Variants in RNF126 observed in about 807,000 individuals in gnomAD.
The protein encoded by RNF126 is E3 ubiquitin-protein ligase RNF126.
RNF126 carries 20 observed loss-of-function variants against 41.9 expected under a neutral mutation model. The observed-to-expected ratio is 0.48, with a 90% confidence interval of 0.34 to 0.69. The LOEUF (loss-of-function observed/expected upper bound fraction) is 0.69. Ranked by LOEUF, RNF126 falls within the 30% of genes least tolerant of loss-of-function variation. The pLI is 0.01. For missense variants in RNF126, 433 were observed against 460.6 expected (o/e 0.94, Z 0.55); for synonymous variants, 239 against 202.9 (o/e 1.18, Z -1.51).
intron 1 of RNF126, among the ~76,000 whole-genome samples, chr19:656,836 C>A (rs547110718): frequency 1.3e-5 from 2 of 152,178 alleles, no homozygotes; most frequent in African/African-American, 4.8e-5. Flanking sequence ...TGAGACTTCA[C>A]AGTCAAATCT....
intron 1 of RNF126, among the ~76,000 whole-genome samples, chr19:653,200 G>A (rs904796334): frequency 6.6e-6 from 1 of 152,096 alleles, no homozygotes; most frequent in African/African-American, 2.4e-5. Flanking sequence ...GGCGTCACCA[G>A]TGCCTGGGCA....
At chr19:652,106 C>T in intron 3 of RNF126, 127 bp downstream of exon 3, 1 of 883,408 alleles carries the variant, frequency 1.1e-6, no homozygotes, top group Non-Finnish European at 1.6e-6. Context: ...GCCCGGGCCC[C>T]TGGAGGGAAA....
At chr19:648,300 A>C in intron 8 of RNF126, 23 bp from the exon 9 acceptor site, 4 of 1,314,220 alleles carry the variant, frequency 3.0e-6, no homozygotes, top group Non-Finnish European at 4.0e-6. Context: ...AGAGGCAGGG[A>C]CGGGAGAAGG....
intron 2 of RNF126, 89 bp downstream of exon 2, chr19:652,737 G>T (rs557982828): frequency 1.1e-5 from 14 of 1,226,176 alleles, no homozygotes; most frequent in Non-Finnish European, 1.7e-5. Context: ...CCCCACACTC[G>T]GCGGGGCGGA....
rs1438736460 is a variant in RNF126 at position 652,289 on chromosome 19, C to T, written c.142G>A (p.Glu48Lys). The T allele has an allele frequency of 3.2e-6, 5 of 1,557,294 alleles. No individual in the cohort carries two copies. Among genetic ancestry groups the T allele is most frequent in the Non-Finnish European group, 4.3e-6 (5 of 1,158,778 alleles). ...GCTGTGGAGGGGGCAGAACCATTTT[C>T]TGTGCTCCTGGGGAGAGAGTGCAGG... The part of the protein sequence containing the change: ...EELPEETRST[E>K]NGSAPSTAPT... The change falls in exon 3 of 9, where the codon GAA becomes AAA. Residue 48 changes from glutamate to lysine, a missense_variant. Transcript: ENST00000292363.
chr19:662,460 G>A (rs908542128), intron 1 of RNF126, among the ~76,000 whole-genome samples: 2 of 152,176 alleles, frequency 1.3e-5, no homozygotes, highest in East Asian at 3.9e-4. Flanking sequence ...GCGGGCCGCG[G>A]TCGGACCCCG....
rs1235339600 is a variant in RNF126, at chr19:651,713, C to G, written c.341G>C (p.Arg114Thr). Residue 114 changes from arginine to threonine, a missense_variant, in exon 4 of 9, where the codon AGA becomes ACA. Transcript: ENST00000292363. ...GTACCGGTGCCGGGACGGATGGTCT[C>G]TCTCCCGCCGGCTCTCAGGGTCCCT... ...DGRDPESRRE[R>T]DHPSRHRYGA... 2 of 1,609,306 alleles carry G rather than the reference C, an allele frequency of 1.2e-6. No homozygotes were observed. Among genetic ancestry groups the G allele is most frequent in the Admixed American group, 3.4e-5 (2 of 59,678 alleles).
chr19:651,587 C>A (rs117074311), intron 4 of RNF126, 24 bp downstream of exon 4: 1 of 1,393,678 alleles, frequency 7.2e-7, no homozygotes, highest in Non-Finnish European at 9.3e-7. Flanking sequence ...GGGGCCCTCG[C>A]GGCCACCCCC....
At chr19:655,879 G>A (rs2030542770) in intron 1 of RNF126, among the ~76,000 whole-genome samples, 5 of 152,242 alleles carry the variant, frequency 3.3e-5, no homozygotes, top group Non-Finnish European at 5.9e-5. Context: ...ACCAGGCCAC[G>A]GCGGGGGGGA....
rs1391870672 is a variant in RNF126 at position 659,243 on chromosome 19, G to T, written c.75+3804C>A. 1.3e-5 allele frequency among the ~76,000 whole-genome samples: 2 copies of T among 152,182 alleles called. No homozygotes were observed. The highest frequency in any genetic ancestry group is 4.1e-4 in the South Asian group (2 of 4,836). ...TGAAGACTCGGGCCAGGCCGCCGCAGGGACCAGGAGAAGACAGGGTGGGCC... is the reference window on the plus strand; with the variant it reads ...TGAAGACTCGGGCCAGGCCGCCGCATGGACCAGGAGAAGACAGGGTGGGCC... On this transcript the variant is annotated intron_variant, in intron 1 of 8. Coordinates refer to ENST00000292363, the MANE Select transcript of RNF126 (RefSeq NM_194460.3). The surrounding 1 kb of genome is among the most constrained non-coding windows in gnomAD (Gnocchi z 4.9).
chr19:650,442 G>A (rs914861151), intron 4 of RNF126, 146 bp from the exon 5 acceptor site: 1 of 692,050 alleles, frequency 1.4e-6, no homozygotes, highest in Non-Finnish European at 2.4e-6. Context: ...CTATGAGCCA[G>A]GGTCTCACTC....
intron 1 of RNF126, among the ~76,000 whole-genome samples, chr19:657,593 A>G (rs1035828122): frequency 2.6e-5 from 4 of 152,178 alleles, no homozygotes; most frequent in Admixed American, 2.6e-4. Context: ...AGGGGTTTCA[A>G]AGGTCACCTC....
rs1327120270 is a variant in RNF126 at position 659,369 on chromosome 19, GC to G, written c.75+3677del. ...TCCCCGCCCACGCCGGCTCTTCCCC[GC>G]CACCGTGGGCGGCAGGGCCCAGCAC... On this transcript the variant is annotated intron_variant, in intron 1 of 8. Transcript: ENST00000292363. This position sits in a 1 kb window ranked among gnomAD's most constrained non-coding sequence, Gnocchi z 4.9. Among the ~76,000 whole-genome samples, 1 of 152,066 alleles carries G rather than the reference GC, an allele frequency of 6.6e-6. No individual in the cohort carries two copies. Among genetic ancestry groups the G allele is most frequent in the Non-Finnish European group, 1.5e-5 (1 of 68,002 alleles).
chr19:653,627 G>A (rs1430390382), intron 1 of RNF126, among the ~76,000 whole-genome samples: 2 of 152,206 alleles, frequency 1.3e-5, no homozygotes, highest in East Asian at 3.9e-4. Context: ...TGGGCCCCTG[G>A]TGATGGCGGA....
In RNF126 at chr19:651,735, C is replaced by T. The variant is rs11554790; in HGVS notation, c.319G>A (p.Asp107Asn). The change falls in exon 4 of 9, where the codon GAC becomes AAC. Residue 107 changes from aspartate to asparagine, a missense_variant. Physicochemically the swap from Asp to Asn is conservative, Grantham distance 23. Transcript: ENST00000292363. ...TCTCTCTCCCGCCGGCTCTCAGGGT[C>T]CCTGCCGTCGTCAGCCTGCGCCCCA... ...PPGAQADDGRDPESRRERDHP... is the reference protein window; with the variant it reads ...PPGAQADDGRNPESRRERDHP... 1.9e-6 allele frequency: 3 copies of T among 1,612,090 alleles called. No individual in the cohort carries two copies. Among genetic ancestry groups the T allele is most frequent in the Admixed American group, 1.7e-5 (1 of 59,956 alleles).
intron 6 of RNF126, 112 bp from the exon 7 acceptor site, chr19:649,087 C>A (rs2030126165): frequency 2.0e-6 from 1 of 498,944 alleles, no homozygotes; most frequent in Non-Finnish European, 3.2e-6. Context: ...TGTCCTGGGC[C>A]CTGGGCCCCT....
At chr19:656,064 G>A (rs1432518753) in intron 1 of RNF126, among the ~76,000 whole-genome samples, 2 of 152,130 alleles carry the variant, frequency 1.3e-5, no homozygotes, top group African/African-American at 4.8e-5. Flanking sequence ...ACGGCTGGCA[G>A]GGCTGAGGTG....
Position 648,490 on chromosome 19 carries a change from G to A in RNF126, c.671-3C>T. On this transcript the variant is annotated splice_polypyrimidine_tract_variant and splice_region_variant and intron_variant, in intron 7 of 8. Transcript: ENST00000292363. ...CACAGGGCACTCGAGCCCGGAGCCT[G>A]CGGGAGTGTGCAGCTGCGGTCACAG... 3 of 1,562,998 alleles carry A rather than the reference G, an allele frequency of 1.9e-6. No homozygotes were observed. The highest frequency in any genetic ancestry group is 2.3e-5 in the South Asian group (2 of 85,168).
chr19:651,520 C>T (rs1600631354), intron 4 of RNF126, 91 bp downstream of exon 4: 25 of 1,286,224 alleles, frequency 1.9e-5, no homozygotes, highest in South Asian at 1.1e-4. Context: ...GATGATGCCA[C>T]GTTTCCGTGG....
Sources: gnomAD v4.1 joint callset for allele counts (sites outside exome capture counted in the v4.1 genomes callset) on GRCh38, gnomAD v4.1.1 for gene constraint, Gnocchi (gnomAD v3.1) non-coding constraint, MANE v1.5 for transcripts, NCBI Gene and HGNC (gene_info 2026-07-23, HGNC 2026-07-21) for gene names.